Variants in PRKN observed in about 807,000 individuals in gnomAD.
PRKN encodes the protein E3 ubiquitin-protein ligase parkin.
A neutral mutation model predicts 59.5 loss-of-function variants in PRKN; 56 were observed. The observed-to-expected ratio is 0.94, with a 90% CI of 0.76 to 1.18. The LOEUF (loss-of-function observed/expected upper bound fraction) is 1.18, where lower values mean the gene tolerates loss of function less well. Among genes scored for constraint, PRKN ranks in the 50% most tolerant of loss-of-function variants. PRKN has a pLI of 0.00. For synonymous variants in PRKN, 250 were observed against 222.1 expected (o/e 1.13, Z -1.12); for missense variants, 657 against 596.4 (o/e 1.10, Z -1.06).
intron 8 of PRKN, among the ~76,000 whole-genome samples, chr6:161,567,037 TTG>T (rs1554277340): frequency 5.7e-4 from 59 of 103,758 alleles, no homozygotes; most frequent in East Asian, 1.8e-3. Flanking sequence ...TTTTTTTTTT[TTG>T]TGTGTGTGTG....
chr6:161,833,689 G>A (rs1340577400), intron 6 of PRKN, among the ~76,000 whole-genome samples: 1 of 152,172 alleles, frequency 6.6e-6, no homozygotes, highest in African/African-American at 2.4e-5. Context: ...CCATTGAGAA[G>A]TGAGATGAGT....
intron 1 of PRKN, among the ~76,000 whole-genome samples, chr6:162,601,634 G>T (rs1246994199): frequency 1.3e-5 from 2 of 152,066 alleles, no homozygotes; most frequent in Non-Finnish European, 2.9e-5. Flanking sequence ...CTGAAGTATA[G>T]CTAGGATCTT....
At chr6:161,684,609 T>C (rs1367412448) in intron 7 of PRKN, among the ~76,000 whole-genome samples, 1 of 152,166 alleles carries the variant, frequency 6.6e-6, no homozygotes, top group Non-Finnish European at 1.5e-5. Flanking sequence ...ATGTCCACTA[T>C]TTAGAAAATG....
chr6:161,577,227 T>G (rs1781166088), intron 7 of PRKN, among the ~76,000 whole-genome samples: 1 of 152,202 alleles, frequency 6.6e-6, no homozygotes. Flanking sequence ...GCAGGTACTA[T>G]TTTTATCCCC....
chr6:162,254,329 T>C (rs1033130880), intron 3 of PRKN, among the ~76,000 whole-genome samples: 4 of 151,746 alleles, frequency 2.6e-5, no homozygotes, highest in Admixed American at 6.6e-5. Context: ...TGGTGGTGGG[T>C]GCCTGTAATC....
chr6:161,902,010 G>A (rs1583321458), intron 6 of PRKN, among the ~76,000 whole-genome samples: 1 of 152,122 alleles, frequency 6.6e-6, no homozygotes. Context: ...GACACACGGG[G>A]CTTTGCTTCC....
rs144859145 is a variant in PRKN, at chr6:162,560,314, T to C, written c.8-116841A>G. Among the ~76,000 whole-genome samples, 598 of 152,324 alleles carry C rather than the reference T, an allele frequency of 3.9e-3. 5 individuals carry two copies. Among genetic ancestry groups the C allele is most frequent in the African/African-American group, 0.013 (556 of 41,586 alleles). The stretch of plus-strand genomic sequence containing the variant: ...TTTATGCTTAGGTTAAAAATCAGCC[T>C]AACAATATATTCATGATTAGTTCAA... On this transcript the variant is annotated intron_variant, in intron 1 of 11. Transcript: ENST00000366898.
At chr6:161,931,745 A>T (rs1354981166) in intron 6 of PRKN, among the ~76,000 whole-genome samples, 2 of 152,236 alleles carry the variant, frequency 1.3e-5, no homozygotes, top group Non-Finnish European at 2.9e-5. Flanking sequence ...ATAATAGATT[A>T]TAAGTATTGA....
At chr6:162,246,173 A>G (rs2128093634) in intron 3 of PRKN, among the ~76,000 whole-genome samples, 1 of 152,204 alleles carries the variant, frequency 6.6e-6, no homozygotes, top group Middle Eastern at 3.4e-3. Flanking sequence ...TCTAACCCCC[A>G]GCACCTCCTA....
At chr6:161,707,848 C>T (rs1325459765) in intron 7 of PRKN, among the ~76,000 whole-genome samples, 1 of 152,098 alleles carries the variant, frequency 6.6e-6, no homozygotes, top group Non-Finnish European at 1.5e-5. Flanking sequence ...CTTCCTAGGG[C>T]TTCAAACATA....
At chr6:162,536,952 A>T (rs1041800748) in intron 1 of PRKN, among the ~76,000 whole-genome samples, 4 of 152,166 alleles carry the variant, frequency 2.6e-5, no homozygotes, top group African/African-American at 9.7e-5. Context: ...AAAGTTTAAG[A>T]AATAGATGGT....
rs1269268187 is a variant in PRKN, at chr6:161,399,894, T to G, written c.1084-13017A>C. On this transcript the variant is annotated intron_variant, in intron 9 of 11. Coordinates refer to ENST00000366898, the MANE Select transcript of PRKN (RefSeq NM_004562.3). The surrounding 1 kb of genome is among the most constrained non-coding windows in gnomAD (Gnocchi z 4.4). Reference sequence around the variant, plus strand: ...AAGAGGAAAAAGAAACAAGTAAAATTAATTTCAATATTTTACTTAACTAAA... The same window carrying G: ...AAGAGGAAAAAGAAACAAGTAAAATGAATTTCAATATTTTACTTAACTAAA... 6.6e-6 allele frequency among the ~76,000 whole-genome samples: 1 copy of G among 152,206 alleles called. No homozygotes were observed. Among genetic ancestry groups the G allele is most frequent in the African/African-American group, 2.4e-5 (1 of 41,440 alleles).
rs1376265359 is a variant in PRKN, at chr6:161,458,569, A to G, written c.1084-71692T>C. 2.0e-5 allele frequency among the ~76,000 whole-genome samples: 3 copies of G among 152,228 alleles called. No homozygotes were observed. The highest frequency in any genetic ancestry group is 4.4e-5 in the Non-Finnish European group (3 of 68,038). ...TCAATTATTTCCTTCCTACATTTAAATGAACTATGATTACCCTTGATTTAA... is the reference window on the plus strand; with the variant it reads ...TCAATTATTTCCTTCCTACATTTAAGTGAACTATGATTACCCTTGATTTAA... On this transcript the variant is annotated intron_variant, in intron 9 of 11. Coordinates refer to ENST00000366898, the MANE Select transcript of PRKN (RefSeq NM_004562.3). The surrounding 1 kb of genome is among the most constrained non-coding windows in gnomAD (Gnocchi z 6.1).
intron 1 of PRKN, among the ~76,000 whole-genome samples, chr6:162,650,597 C>CA (rs142452684): frequency 0.56 from 53,509 of 95,030 alleles, 13,460 homozygotes; most frequent in Non-Finnish European, 0.63. Context: ...GACTCCGTCT[C>CA]AAAAAAAAAA....
intron 7 of PRKN, among the ~76,000 whole-genome samples, chr6:161,601,421 C>G (rs1314240742): frequency 6.6e-6 from 1 of 152,016 alleles, no homozygotes; most frequent in Admixed American, 6.6e-5. Flanking sequence ...CCCTCATGAT[C>G]TTGTAACTCC....
At chr6:161,494,969 G>A (rs1777691460) in intron 9 of PRKN, among the ~76,000 whole-genome samples, 1 of 152,050 alleles carries the variant, frequency 6.6e-6, no homozygotes, top group South Asian at 2.1e-4. Context: ...ATTCTAGAGT[G>A]GTGCTATACA....
At chr6:162,328,683 A>T (rs2128124111) in intron 2 of PRKN, among the ~76,000 whole-genome samples, 1 of 152,314 alleles carries the variant, frequency 6.6e-6, no homozygotes, top group East Asian at 1.9e-4. Flanking sequence ...TCCTCCTGGA[A>T]AGAGGAACCA....
chr6:162,547,398 T>C (rs2128202239), intron 1 of PRKN, among the ~76,000 whole-genome samples: 1 of 152,270 alleles, frequency 6.6e-6, no homozygotes. Context: ...AATAACAATA[T>C]TTTACATCCA....
chr6:161,551,007 C>CA lies in PRKN; in HGVS notation c.934-2005dup, dbSNP rs1280413949. Among the ~76,000 whole-genome samples the CA allele has an allele frequency of 2.0e-5, 3 of 152,078 alleles. No individual in the cohort carries two copies. The highest frequency in any genetic ancestry group is 2.9e-5 in the Non-Finnish European group (2 of 68,018). ...GGCCTCCTTGTAAACGTGTGAATGGCATACACATACAGCACCTTTACCAGA... is the reference window on the plus strand; with the variant it reads ...GGCCTCCTTGTAAACGTGTGAATGGCAATACACATACAGCACCTTTACCAGA... On this transcript the variant is annotated intron_variant, in intron 8 of 11. Coordinates refer to ENST00000366898, the MANE Select transcript of PRKN (RefSeq NM_004562.3). The surrounding 1 kb of genome is among the most constrained non-coding windows in gnomAD (Gnocchi z 5.2).
Sources: allele counts gnomAD v4.1 joint callset (sites outside exome capture counted in the v4.1 genomes callset), GRCh38; gene constraint gnomAD v4.1.1; non-coding constraint Gnocchi (gnomAD v3.1); transcripts MANE v1.5; gene names NCBI Gene and HGNC (gene_info 2026-07-23, HGNC 2026-07-21).